The following RGS6 variants were observed in gnomAD, a reference collection of about 807,000 sequenced individuals.
RGS6 encodes the protein regulator of G protein signaling 6, also known as regulator of G-protein signaling 6.
RGS6 carries 30 observed loss-of-function variants against 78.5 expected under a neutral mutation model. The ratio of observed to expected loss-of-function variants is 0.38; its 90% CI spans 0.29 to 0.52. The LOEUF (loss-of-function observed/expected upper bound fraction) is 0.52. Among genes scored for constraint, RGS6 ranks in the 20% least tolerant of loss-of-function variants. RGS6 has a pLI of 0.85. For synonymous variants in RGS6, 206 were observed against 206.0 expected (o/e 1.00, Z 0.00); for missense variants, 495 against 609.7 (o/e 0.81, Z 1.98).
chr14:72,368,729 T>C (rs774645697), intron 3 of RGS6, among the ~76,000 whole-genome samples: 1 of 152,212 alleles, frequency 6.6e-6, no homozygotes, highest in Non-Finnish European at 1.5e-5. Flanking sequence ...TTAGTCTTTG[T>C]TACTCTTCTT....
At chr14:72,528,299 G>C (rs1859476) in intron 15 of RGS6, among the ~76,000 whole-genome samples, 41 of 152,304 alleles carry the variant, frequency 2.7e-4, no homozygotes, top group African/African-American at 9.4e-4. Flanking sequence ...GATTCTAGTT[G>C]GTTTTGATCC....
intron 3 of RGS6, among the ~76,000 whole-genome samples, chr14:72,423,596 C>T (rs2094302922): frequency 6.8e-6 from 1 of 146,012 alleles, no homozygotes; most frequent in East Asian, 2.1e-4. Context: ...TATGTGTTCT[C>T]ACTTATAAGT....
At chr14:72,560,681 A>AT (rs919230037) in intron 17 of RGS6, among the ~76,000 whole-genome samples, 4 of 152,118 alleles carry the variant, frequency 2.6e-5, no homozygotes, top group Admixed American at 6.5e-5. Flanking sequence ...ACCCTCTTGG[A>AT]TTTTTTAAAA....
chr14:72,398,697 A>C (rs1328346998), intron 3 of RGS6, among the ~76,000 whole-genome samples: 1 of 152,162 alleles, frequency 6.6e-6, no homozygotes, highest in Non-Finnish European at 1.5e-5. Flanking sequence ...TTAGTGCTAT[A>C]AATTTCCCTC....
At chr14:72,452,063 T>A (rs896234371) in intron 3 of RGS6, among the ~76,000 whole-genome samples, 2 of 152,314 alleles carry the variant, frequency 1.3e-5, no homozygotes, top group South Asian at 2.1e-4. Flanking sequence ...ACTATTTTTC[T>A]TTTGAGGAAA....
intron 3 of RGS6, among the ~76,000 whole-genome samples, chr14:72,450,502 A>C (rs2095467661): frequency 6.6e-6 from 1 of 152,208 alleles, no homozygotes; most frequent in South Asian, 2.1e-4. Flanking sequence ...TATCCCTGGA[A>C]TATATATTGA....
chr14:72,113,204 T>A (rs1316656280), intron 2 of RGS6, among the ~76,000 whole-genome samples: 2 of 152,246 alleles, frequency 1.3e-5, no homozygotes, highest in Non-Finnish European at 2.9e-5. Flanking sequence ...ATGGTAGGAA[T>A]GGTGCCTTAT....
intron 2 of RGS6, among the ~76,000 whole-genome samples, chr14:72,012,575 C>G (rs1354125595): frequency 6.6e-6 from 1 of 152,198 alleles, no homozygotes; most frequent in African/African-American, 2.4e-5. Context: ...ATAAACAGTT[C>G]TGAAAACCAG....
At position 72,359,760 on chromosome 14, in the gene RGS6, A is replaced by T. The variant is rs182907610; in HGVS notation, c.184+7566A>T. Among the ~76,000 whole-genome samples, 29 of 152,356 alleles carry T rather than the reference A, an allele frequency of 1.9e-4. 1 individual carries two copies. In the East Asian group the frequency reaches 5.6e-3, roughly 29 times the overall value. On this transcript the variant is annotated intron_variant, in intron 3 of 17. Coordinates refer to ENST00000553525, the MANE Select transcript of RGS6 (RefSeq NM_001204424.2). ...TTCTTGGACACCAATTTTTCTAGAA[A>T]GTGTTTTAAGGAAGAGTAGAGTGAC...
intron 2 of RGS6, among the ~76,000 whole-genome samples, chr14:72,269,398 T>C (rs558870264): frequency 6.6e-6 from 1 of 152,222 alleles, no homozygotes; most frequent in African/African-American, 2.4e-5. Context: ...TCTCACTTTC[T>C]CCCTCCATTC....
chr14:71,918,329 C>G, the RGS6 span, among the ~76,000 whole-genome samples: 1 of 149,118 alleles, frequency 6.7e-6, no homozygotes, highest in South Asian at 2.2e-4. Context: ...AAAAACACTT[C>G]TCATAGTTAA....
At chr14:72,590,711 G>A in the RGS6 span, among the ~76,000 whole-genome samples, 50 of 152,342 alleles carry the variant, frequency 3.3e-4, no homozygotes, top group South Asian at 1.2e-3. Flanking sequence ...AACCATTTGC[G>A]AGGCGGGGAG....
intron 2 of RGS6, among the ~76,000 whole-genome samples, chr14:72,333,120 G>A (rs1241500468): frequency 6.6e-6 from 1 of 152,172 alleles, no homozygotes; most frequent in Non-Finnish European, 1.5e-5. Flanking sequence ...ACCCCACTGT[G>A]GGTTTCAGGG....
At chr14:72,154,500 C>T (rs1329390863) in intron 2 of RGS6, among the ~76,000 whole-genome samples, 1 of 150,792 alleles carries the variant, frequency 6.6e-6, no homozygotes, top group Non-Finnish European at 1.5e-5. Context: ...CAGCCAGTCC[C>T]TCTGTTTGGG....
At chr14:72,561,558 G>A (rs1046927320) in intron 17 of RGS6, among the ~76,000 whole-genome samples, 1 of 152,170 alleles carries the variant, frequency 6.6e-6, no homozygotes, top group African/African-American at 2.4e-5. Flanking sequence ...TCCTCCTGGT[G>A]CCCAGTCGCA....
chr14:71,869,719 T>C, the RGS6 span, among the ~76,000 whole-genome samples: 1 of 152,222 alleles, frequency 6.6e-6, no homozygotes, highest in African/African-American at 2.4e-5. Context: ...TGACACAATA[T>C]AGTTGCCATG....
chr14:71,976,778 G>C (rs1201264738), intron 2 of RGS6, among the ~76,000 whole-genome samples: 3 of 151,344 alleles, frequency 2.0e-5, no homozygotes, highest in African/African-American at 7.3e-5. Context: ...TATATACCCA[G>C]TAATGGGATG....
chr14:72,562,747 C>A lies in RGS6; in HGVS notation c.*280C>A. The A allele has an allele frequency of 6.5e-7, 1 of 1,536,014 alleles. No individual in the cohort carries two copies. The highest frequency in any genetic ancestry group is 1.4e-5 in the African/African-American group (1 of 73,160). ...CCAACACTCCACTCGCTAAGAGGCC[C>A]TGATCCCAGCTCATTCAGGGGAGAA... On this transcript the variant is annotated 3_prime_UTR_variant, in exon 18 of 18. Transcript: ENST00000553525.
At chr14:72,364,151 A>G (rs1475415481) in intron 3 of RGS6, among the ~76,000 whole-genome samples, 1 of 152,082 alleles carries the variant, frequency 6.6e-6, no homozygotes, top group African/African-American at 2.4e-5. Flanking sequence ...CAGACCAATC[A>G]CTAGCTAGTG....
Sources: allele counts gnomAD v4.1 joint callset (sites outside exome capture counted in the v4.1 genomes callset), GRCh38; gene constraint gnomAD v4.1.1; transcripts MANE v1.5; gene names NCBI Gene and HGNC (gene_info 2026-07-23, HGNC 2026-07-21).